The following PPFIA4 variants were observed in gnomAD, a reference collection of about 807,000 sequenced individuals.
The protein encoded by PPFIA4 is PPFI scaffold protein A4, also known as liprin-alpha-4.
PPFIA4 carries 98 observed loss-of-function variants against 145.7 expected under a neutral mutation model. That is an observed-to-expected ratio of 0.67 (90% CI 0.57 to 0.80). The LOEUF (loss-of-function observed/expected upper bound fraction) is 0.80, where lower values mean the gene tolerates loss of function less well. Ranked by LOEUF, PPFIA4 falls within the 30% of genes least tolerant of loss-of-function variation. The pLI, the probability that PPFIA4 is intolerant of heterozygous loss-of-function variation, is 0.00. For synonymous variants in PPFIA4, 628 were observed against 649.6 expected (o/e 0.97, Z 0.51); for missense variants, 1,457 against 1,632.7 (o/e 0.89, Z 1.85).
rs1179847869 is a variant in PPFIA4, at chr1:203,063,909, T to C, written c.2956T>C (p.Tyr986His). ...PSLGLPQYRS[Y>H]FMECLVDARM... ...CCTGGGGCTCCCGCAGTACCGCAGC[T>C]ACTTCATGGAGTGCCTGGTGGACGC... Residue 986 changes from tyrosine to histidine, a missense_variant, in exon 25 of 30, where the codon TAC becomes CAC. Coordinates refer to ENST00000295706, the MANE Select transcript of PPFIA4 (RefSeq NM_001304331.2). 2 of 1,613,954 alleles carry C rather than the reference T, an allele frequency of 1.2e-6. No homozygotes were observed. Among genetic ancestry groups the C allele is most frequent in the Middle Eastern group, 1.6e-4 (1 of 6,084 alleles).
Position 203,049,078 on chromosome 1 carries a change from GTGTTAGTGCATA to G in PPFIA4, c.1419+109_1419+120del, listed in dbSNP as rs148499152. 324 of 1,163,092 alleles carry G rather than the reference GTGTTAGTGCATA, an allele frequency of 2.8e-4. 1 individual carries two copies. The African/African-American group carries it at 4.7e-3, about 17-fold the overall frequency. The allele number at this position is 1,163,092 out of a possible 1,614,324, so 72.0% of individuals were successfully genotyped here. A position where few individuals can be genotyped will look rare whatever the true frequency, so the allele number is the denominator to read the frequency against. ...AACGCTGCTGCTCTGATACCTGGCAGTGTTAGTGCATATGTTAGTGCACTACATACATTATTC... is the reference window on the plus strand; with the variant it reads ...AACGCTGCTGCTCTGATACCTGGCAGTGTTAGTGCACTACATACATTATTC... On this transcript the variant is annotated intron_variant, in intron 12 of 29. Transcript: ENST00000295706.
At position 203,043,909 on chromosome 1, in the gene PPFIA4, C is replaced by T; in HGVS notation, c.337-22C>T. On this transcript the variant is annotated intron_variant, in intron 3 of 29. Coordinates refer to ENST00000295706, the MANE Select transcript of PPFIA4 (RefSeq NM_001304331.2). The surrounding 1 kb of genome is among the most constrained non-coding windows in gnomAD (Gnocchi z 4.4). ...ACATGCTTACAGCCCTCCCTCTCACCCTCCCCTGCTCTCCCTGCCAGCTGC... is the reference window on the plus strand; with the variant it reads ...ACATGCTTACAGCCCTCCCTCTCACTCTCCCCTGCTCTCCCTGCCAGCTGC... 2 of 1,577,462 alleles carry T rather than the reference C, an allele frequency of 1.3e-6. No homozygotes were observed. Among genetic ancestry groups the T allele is most frequent in the Non-Finnish European group, 1.7e-6 (2 of 1,160,138 alleles).
At chr1:203,042,177 T>C (rs1659738573) in intron 2 of PPFIA4, among the ~76,000 whole-genome samples, 1 of 152,036 alleles carries the variant, frequency 6.6e-6, no homozygotes, top group Admixed American at 6.6e-5. Flanking sequence ...ATCCACAGAG[T>C]TGGGGCCACT....
chr1:203,032,231 C>A (rs564871924), intron 1 of PPFIA4, among the ~76,000 whole-genome samples: 40 of 152,020 alleles, frequency 2.6e-4, no homozygotes, highest in Non-Finnish European at 4.3e-4. Flanking sequence ...GAATTTAGAG[C>A]CTTTTGAGTT....
rs1036636335 is a variant in PPFIA4, at chr1:203,078,569, G to A, written c.*2179G>A. 4.0e-5 allele frequency: 6 copies of A among 151,638 alleles called. No homozygotes were observed. The highest frequency in any genetic ancestry group is 1.2e-4 in the African/African-American group (5 of 41,070). 9.4% of individuals were successfully genotyped at this position (151,638 alleles called of 1,614,324 possible). ...ATAGTCAATATATTTTTTTTTTGGCGAGTCACCAGTGACCCGAGCCCTCCA... is the reference window on the plus strand; with the variant it reads ...ATAGTCAATATATTTTTTTTTTGGCAAGTCACCAGTGACCCGAGCCCTCCA... On this transcript the variant is annotated 3_prime_UTR_variant, in exon 30 of 30. Transcript: ENST00000295706.
In PPFIA4 at chr1:203,045,989, T is replaced by G; in HGVS notation, c.1005+2T>G. 1 of 1,612,516 alleles carries G rather than the reference T, an allele frequency of 6.2e-7. No individual in the cohort carries two copies. Among genetic ancestry groups the G allele is most frequent in the Non-Finnish European group, 8.5e-7 (1 of 1,179,846 alleles). ...AACAAGGAGTCCCTGCACCGCCAGG[T>G]ACCTCCTCAGGGTGGGGTGGGGATG... On this transcript the variant is annotated splice_donor_variant, in intron 8 of 29. Coordinates refer to ENST00000295706, the MANE Select transcript of PPFIA4 (RefSeq NM_001304331.2). LOFTEE classifies it high-confidence loss of function.
At position 203,053,833 on chromosome 1, in the gene PPFIA4, C is replaced by A; in HGVS notation, c.1701C>A (p.Asp567Glu). The A allele has an allele frequency of 6.4e-7, 1 of 1,554,094 alleles. No homozygotes were observed. Among genetic ancestry groups the A allele is most frequent in the African/African-American group, 1.4e-5 (1 of 73,282 alleles). ...PAFDSDPEIS[D>E]VDEDEPGGLV... ...TTGACAGTGACCCTGAGATCTCCGA[C>A]GTGGATGAGGATGAGCCAGGGGGTC... The change falls in exon 15 of 30, where the codon GAC becomes GAA. Residue 567 changes from aspartate to glutamate, a missense_variant. Transcript: ENST00000295706.
intron 1 of PPFIA4, among the ~76,000 whole-genome samples, chr1:203,029,568 C>T (rs1658673425): frequency 6.6e-6 from 1 of 152,206 alleles, no homozygotes; most frequent in African/African-American, 2.4e-5. Context: ...ATAACAGTAT[C>T]GGATGCATGG....
chr1:203,058,906 G>T (rs1046987163), intron 19 of PPFIA4, among the ~76,000 whole-genome samples: 20 of 152,130 alleles, frequency 1.3e-4, no homozygotes, highest in Non-Finnish European at 2.2e-4. Flanking sequence ...GGATTCTAGG[G>T]TCGATAACTT....
In PPFIA4 at chr1:203,076,857, A is replaced by C. The variant is rs1205622308; in HGVS notation, c.*467A>C. The C allele has an allele frequency of 1.8e-5, 3 of 164,318 alleles. No homozygotes were observed. Among genetic ancestry groups the C allele is most frequent in the African/African-American group, 7.2e-5 (3 of 41,728 alleles). 10.2% of individuals were successfully genotyped at this position (164,318 alleles called of 1,614,324 possible). On this transcript the variant is annotated 3_prime_UTR_variant, in exon 30 of 30. Transcript: ENST00000295706. Reference sequence around the variant, plus strand: ...TGTCTATCCACGTCTGGCTGTGCCAAATGGTCTGGCAGCTGGTTTTGGCAT... The same window carrying C: ...TGTCTATCCACGTCTGGCTGTGCCACATGGTCTGGCAGCTGGTTTTGGCAT...
chr1:203,075,725 C>A lies in PPFIA4; in HGVS notation c.3542C>A (p.Pro1181Gln). The change falls in exon 29 of 30, where the codon CCA (proline) becomes CAA (glutamine). Residue 1181 changes from proline (P) to glutamine (Q), a missense_variant. Physicochemically the swap from Pro to Gln is moderately conservative, Grantham distance 76 (BLOSUM62 -1). Transcript: ENST00000295706. The surrounding 1 kb of genome is among the most constrained non-coding windows in gnomAD (Gnocchi z 4.1). The stretch of plus-strand genomic sequence containing the variant: ...TCCACCCTGGGGACCCTGCAGCCCC[C>A]ACCGGCCCCGCCAAAGAAGATCATG... ...RVSTLGTLQP[P>Q]PAPPKKIMPE... 7.2e-7 allele frequency: 1 copy of A among 1,390,032 alleles called. No individual in the cohort carries two copies. Among genetic ancestry groups the A allele is most frequent in the East Asian group, 3.0e-5 (1 of 33,670 alleles). The allele number at this position is 1,390,032 out of a possible 1,614,324, so 86.1% of individuals were successfully genotyped here. A position where few individuals can be genotyped will look rare whatever the true frequency, so the allele number is the denominator to read the frequency against.
In PPFIA4 at chr1:203,056,449, C is replaced by T. The variant is rs780950392; in HGVS notation, c.2181C>T (p.Pro727=). Residue 727 remains proline, a synonymous_variant, in exon 18 of 30, where the codon CCC becomes CCT. Coordinates refer to ENST00000295706, the MANE Select transcript of PPFIA4 (RefSeq NM_001304331.2). ...GTGAGACTTCTCCTCCTTCCTCACCCAGGACGCTGCGGCTAGAGAAGCTTG... is the reference window on the plus strand; with the variant it reads ...GTGAGACTTCTCCTCCTTCCTCACCTAGGACGCTGCGGCTAGAGAAGCTTG... The part of the protein sequence containing the change: ...IKCETSPPSS[P]RTLRLEKLGH... 6.2e-6 allele frequency: 10 copies of T among 1,613,930 alleles called. No homozygotes were observed. In the African/African-American group the frequency reaches 1.3e-4, roughly 22 times the overall value.
intron 12 of PPFIA4, 22 bp from the exon 13 acceptor site, chr1:203,049,654 C>G (rs879033469): frequency 1.0e-5 from 15 of 1,499,914 alleles, no homozygotes; most frequent in African/African-American, 1.4e-5. Context: ...CTCCCGCCCC[C>G]ACCCCGGGTC....
At chr1:203,046,515 C>G in intron 9 of PPFIA4, 133 bp downstream of exon 9, 1 of 1,041,320 alleles carries the variant, frequency 9.6e-7, no homozygotes, top group Non-Finnish European at 1.4e-6. Flanking sequence ...CCGTGTGATT[C>G]CAGGGAGCAC....
At position 203,068,260 on chromosome 1, in the gene PPFIA4, TG is replaced by T. The variant is rs1273996315; in HGVS notation, c.3149-187del. ...TGTAAACTGGCAGGGATGGAGTGAGTGGGGGGTTGGTTCCCCAGGCACCCAG... is the reference window on the plus strand; with the variant it reads ...TGTAAACTGGCAGGGATGGAGTGAGTGGGGGTTGGTTCCCCAGGCACCCAG... On this transcript the variant is annotated intron_variant, in intron 26 of 29. Coordinates refer to ENST00000295706, the MANE Select transcript of PPFIA4 (RefSeq NM_001304331.2). This position sits in a 1 kb window ranked among gnomAD's most constrained non-coding sequence, Gnocchi z 4.7. Among the ~76,000 whole-genome samples, 1 of 151,398 alleles carries T rather than the reference TG, an allele frequency of 6.6e-6. No homozygotes were observed. The highest frequency in any genetic ancestry group is 1.5e-5 in the Non-Finnish European group (1 of 67,820).
At chr1:203,072,040 C>T (rs1242099376) in intron 28 of PPFIA4, among the ~76,000 whole-genome samples, 3 of 152,148 alleles carry the variant, frequency 2.0e-5, no homozygotes, top group South Asian at 2.1e-4. Context: ...TTCTGTGCCC[C>T]GCCTTCCTAT....
At chr1:203,070,955 G>GTTT (rs11323394) in intron 27 of PPFIA4, among the ~76,000 whole-genome samples, 2 of 143,912 alleles carry the variant, frequency 1.4e-5, no homozygotes, top group Non-Finnish European at 1.5e-5. Flanking sequence ...CCACTTTTTT[G>GTTT]TTTTTTTTTT....
chr1:203,040,949 A>C (rs1421430225), intron 2 of PPFIA4, among the ~76,000 whole-genome samples: 1 of 152,198 alleles, frequency 6.6e-6, no homozygotes, highest in African/African-American at 2.4e-5. Flanking sequence ...TCTGCACAGG[A>C]CCTGGTACAT....
At chr1:203,044,644 A>G (rs1285170547) in intron 5 of PPFIA4, 52 bp from the exon 6 acceptor site, 2 of 1,498,326 alleles carry the variant, frequency 1.3e-6, no homozygotes, top group Non-Finnish European at 1.8e-6. Context: ...TCTGGAATGT[A>G]TGGGAGGTTC....
Sources: allele counts gnomAD v4.1 joint callset (sites outside exome capture counted in the v4.1 genomes callset), GRCh38; gene constraint gnomAD v4.1.1; non-coding constraint Gnocchi (gnomAD v3.1); transcripts MANE v1.5; gene names NCBI Gene and HGNC (gene_info 2026-07-23, HGNC 2026-07-21).